ACOX2: variants seen among roughly 807,000 people sequenced by gnomAD.
The protein encoded by ACOX2 is peroxisomal acyl-coenzyme A oxidase 2.
Under a neutral mutation model 77.5 loss-of-function variants are expected in ACOX2, and 59 were observed. That is an observed-to-expected ratio of 0.76 (90% CI 0.62 to 0.95). The LOEUF is 0.95. Ranked by LOEUF, ACOX2 falls within the 40% of genes least tolerant of loss-of-function variation. The pLI, the probability that ACOX2 is intolerant of heterozygous loss-of-function variation, is 0.00. For synonymous variants in ACOX2, 317 were observed against 340.1 expected (o/e 0.93, Z 0.75); for missense variants, 837 against 880.4 (o/e 0.95, Z 0.62).
At chr3:58,518,075 C>CAAAAAAAAAAAAAAAA (rs763535906) in intron 12 of ACOX2, among the ~76,000 whole-genome samples, 79 of 47,678 alleles carry the variant, frequency 1.7e-3, no homozygotes, top group Non-Finnish European at 1.9e-3. Flanking sequence ...AACTCCATCT[C>CAAAAAAAAAAAAAAAA]AAAAAAAAAA....
intron 5 of ACOX2, among the ~76,000 whole-genome samples, chr3:58,532,029 C>A (rs573318786): frequency 4.3e-4 from 66 of 151,904 alleles, no homozygotes; most frequent in Non-Finnish European, 7.4e-4. Flanking sequence ...TTTGCCCCCC[C>A]CAACTATTAA....
chr3:58,512,363 T>C lies in ACOX2; in HGVS notation c.1851-3338A>G, dbSNP rs1004426044. 1.3e-5 allele frequency among the ~76,000 whole-genome samples: 2 copies of C among 152,230 alleles called. No individual in the cohort carries two copies. The highest frequency in any genetic ancestry group is 2.9e-5 in the Non-Finnish European group (2 of 68,032). On this transcript the variant is annotated intron_variant, in intron 13 of 14. Coordinates refer to ENST00000302819, the MANE Select transcript of ACOX2 (RefSeq NM_003500.4). This position sits in a 1 kb window ranked among gnomAD's most constrained non-coding sequence, Gnocchi z 4.8. Reference sequence around the variant, plus strand: ...CCACTATCATCACTCACTTGGATGATTGCATTAGCGATCCAGCTGATCTCC... The same window carrying C: ...CCACTATCATCACTCACTTGGATGACTGCATTAGCGATCCAGCTGATCTCC...
chr3:58,535,165 G>A lies in ACOX2; in HGVS notation c.-59C>T. Reference sequence around the variant, plus strand: ...ACACTTCCAACCCGGCTGCTCCGAGGGTCTGCTCTCAGCATTGGTCAGTGC... The same window carrying A: ...ACACTTCCAACCCGGCTGCTCCGAGAGTCTGCTCTCAGCATTGGTCAGTGC... On this transcript the variant is annotated 5_prime_UTR_variant, in exon 2 of 15. Transcript: ENST00000302819. This position sits in a 1 kb window ranked among gnomAD's most constrained non-coding sequence, Gnocchi z 4.8. 2 of 1,607,118 alleles carry A rather than the reference G, an allele frequency of 1.2e-6. No homozygotes were observed. The highest frequency in any genetic ancestry group is 1.7e-6 in the Non-Finnish European group (2 of 1,174,458).
At position 58,535,280 on chromosome 3, in the gene ACOX2, C is replaced by T; in HGVS notation, c.-91-83G>A. On this transcript the variant is annotated intron_variant, in intron 1 of 14. Transcript: ENST00000302819. The surrounding 1 kb of genome is among the most constrained non-coding windows in gnomAD (Gnocchi z 4.8). The stretch of plus-strand genomic sequence containing the variant: ...AAAGACATCCCTAAGTACCTGAATG[C>T]CACTCCACCTCCCCACTCCCCCTGT... 3 of 703,302 alleles carry T rather than the reference C, an allele frequency of 4.3e-6. No homozygotes were observed. The highest frequency in any genetic ancestry group is 7.2e-6 in the Non-Finnish European group (3 of 415,756). The allele number at this position is 703,302 out of a possible 1,614,324, so 43.6% of individuals were successfully genotyped here. A position where few individuals can be genotyped will look rare whatever the true frequency, so the allele number is the denominator to read the frequency against.
At chr3:58,529,016 C>T in intron 8 of ACOX2, 60 bp from the exon 9 acceptor site, 1 of 1,479,894 alleles carries the variant, frequency 6.8e-7, no homozygotes, top group Non-Finnish European at 9.0e-7. Context: ...CTTCCCCTAT[C>T]CCCGACACCA....
Position 58,526,732 on chromosome 3 carries a change from T to C in ACOX2, c.1156-76A>G. 1 of 1,481,574 alleles carries C rather than the reference T, an allele frequency of 6.7e-7. No homozygotes were observed. The highest frequency in any genetic ancestry group is 9.2e-7 in the Non-Finnish European group (1 of 1,085,190). The allele number at this position is 1,481,574 out of a possible 1,614,324, so 91.8% of individuals were successfully genotyped here. On this transcript the variant is annotated intron_variant, in intron 9 of 14. Transcript: ENST00000302819. The surrounding 1 kb of genome is among the most constrained non-coding windows in gnomAD (Gnocchi z 4.3). ...GGGACCAACCCTGTGCACCACTTACTGAGCATCTACTCATGCCCAGCTCAG... is the reference window on the plus strand; with the variant it reads ...GGGACCAACCCTGTGCACCACTTACCGAGCATCTACTCATGCCCAGCTCAG...
Position 58,514,207 on chromosome 3 carries a change from A to C in ACOX2, c.1850+2999T>G, listed in dbSNP as rs925612145. Among the ~76,000 whole-genome samples, 1 of 152,106 alleles carries C rather than the reference A, an allele frequency of 6.6e-6. No homozygotes were observed. The highest frequency in any genetic ancestry group is 1.5e-5 in the Non-Finnish European group (1 of 67,998). ...TGTAATCCCAGCACTTTGGGAGGCT[A>C]AGGTAGGAGGATCCCTTGAGCCCAG... is the stretch of plus-strand genomic sequence containing the variant. On this transcript the variant is annotated intron_variant, in intron 13 of 14. Transcript: ENST00000302819. This position sits in a 1 kb window ranked among gnomAD's most constrained non-coding sequence, Gnocchi z 4.3.
rs978087289 is a variant in ACOX2, at chr3:58,515,025, C to CA, written c.1850+2180_1850+2181insT. Among the ~76,000 whole-genome samples, 20 of 147,730 alleles carry CA rather than the reference C, an allele frequency of 1.4e-4. No individual in the cohort carries two copies. The highest frequency in any genetic ancestry group is 3.0e-5 in the Non-Finnish European group (2 of 66,562). On this transcript the variant is annotated intron_variant, in intron 13 of 14. Coordinates refer to ENST00000302819, the MANE Select transcript of ACOX2 (RefSeq NM_003500.4). This position sits in a 1 kb window ranked among gnomAD's most constrained non-coding sequence, Gnocchi z 4.0. ...GTTTTTGATGATTTAACTGAACAAA[C>CA]TTTTTTTTTTTTCTTGAGATGGAGT...
rs561240302 is a variant in ACOX2 at position 58,505,388 on chromosome 3, G to A, written c.1984-102C>T. ...CTCTAGCTTCAAAAAGTAACATTAC[G>A]TAAGATTCTTAATTTTAAAAATTAT... On this transcript the variant is annotated intron_variant, in intron 14 of 14. Coordinates refer to ENST00000302819, the MANE Select transcript of ACOX2 (RefSeq NM_003500.4). The surrounding 1 kb of genome is among the most constrained non-coding windows in gnomAD (Gnocchi z 4.4). The A allele has an allele frequency of 1.0e-4, 96 of 921,696 alleles. 1 individual carries two copies. The South Asian group carries it at 1.3e-3, about 13-fold the overall frequency. The allele number at this position is 921,696 out of a possible 1,614,324, so 57.1% of individuals were successfully genotyped here.
Position 58,530,694 on chromosome 3 carries a change from C to T in ACOX2, c.820-56G>A, listed in dbSNP as rs948907172. The T allele has an allele frequency of 3.1e-5, 48 of 1,552,514 alleles. 1 individual carries two copies. The highest frequency in any genetic ancestry group is 4.1e-5 in the African/African-American group (3 of 73,802). On this transcript the variant is annotated intron_variant, in intron 7 of 14. Transcript: ENST00000302819. ...GGGCCAAGGCTTCCCAGGATGCCCTCGCTTCTCCAGAGCTGTGGGGCTCCA... is the reference window on the plus strand; with the variant it reads ...GGGCCAAGGCTTCCCAGGATGCCCTTGCTTCTCCAGAGCTGTGGGGCTCCA...
Position 58,524,339 on chromosome 3 carries a change from G to A in ACOX2, c.1526+87C>T, listed in dbSNP as rs1228246540. On this transcript the variant is annotated intron_variant, in intron 11 of 14. Coordinates refer to ENST00000302819, the MANE Select transcript of ACOX2 (RefSeq NM_003500.4). The surrounding 1 kb of genome is among the most constrained non-coding windows in gnomAD (Gnocchi z 5.5). ...GGGTGGTTTTTAGAACTGAATCCAC[G>A]AATGTCCACCCAACCAATCCAAAGG... 1.3e-5 allele frequency: 19 copies of A among 1,508,530 alleles called. No individual in the cohort carries two copies. In the East Asian group the frequency reaches 2.8e-4, roughly 22 times the overall value. The allele number at this position is 1,508,530 out of a possible 1,614,324, so 93.4% of individuals were successfully genotyped here.
Position 58,522,057 on chromosome 3 carries a change from C to T in ACOX2, c.1632+439G>A, listed in dbSNP as rs370494674. ...GTCATGGTGCTTCCTTGATTGTAGC[C>T]GTGCATGGGCAGTGGCTTCACTGTT... On this transcript the variant is annotated intron_variant, in intron 12 of 14. Transcript: ENST00000302819. This position sits in a 1 kb window ranked among gnomAD's most constrained non-coding sequence, Gnocchi z 4.3. Among the ~76,000 whole-genome samples, 10 of 152,288 alleles carry T rather than the reference C, an allele frequency of 6.6e-5. No homozygotes were observed. The highest frequency in any genetic ancestry group is 4.1e-4 in the South Asian group (2 of 4,822).
chr3:58,508,639 C>T (rs1329260717), intron 14 of ACOX2, among the ~76,000 whole-genome samples: 1 of 152,156 alleles, frequency 6.6e-6, no homozygotes, highest in African/African-American at 2.4e-5. Context: ...GAGCTTGGGC[C>T]TTCCTCTTAA....
At chr3:58,536,578 T>C (rs1414182771) in intron 1 of ACOX2, among the ~76,000 whole-genome samples, 2 of 152,140 alleles carry the variant, frequency 1.3e-5, no homozygotes, top group Non-Finnish European at 2.9e-5. Flanking sequence ...GTGCCCCTAG[T>C]GCGGCTCCTC....
rs1052009090 is a variant in ACOX2 at position 58,531,873 on chromosome 3, A to G, written c.584-61T>C. The G allele has an allele frequency of 5.2e-6, 8 of 1,536,596 alleles. No individual in the cohort carries two copies. In the African/African-American group the frequency reaches 9.6e-5, roughly 18 times the overall value. On this transcript the variant is annotated intron_variant, in intron 5 of 14. Coordinates refer to ENST00000302819, the MANE Select transcript of ACOX2 (RefSeq NM_003500.4). This position sits in a 1 kb window ranked among gnomAD's most constrained non-coding sequence, Gnocchi z 5.8. ...GACCTGTGCATTGCTTTTCCCAACC[A>G]ACCCAGCCTCCTGGGGCTGGGGTTT...
Position 58,526,830 on chromosome 3 carries a change from C to T in ACOX2, c.1156-174G>A, listed in dbSNP as rs967949191. Reference sequence around the variant, plus strand: ...AGGCGGGTACTCAGCTTATGTGACTCACCCAGAGGCACACAATTAGGCAAT... The same window carrying T: ...AGGCGGGTACTCAGCTTATGTGACTTACCCAGAGGCACACAATTAGGCAAT... On this transcript the variant is annotated intron_variant, in intron 9 of 14. Transcript: ENST00000302819. The surrounding 1 kb of genome is among the most constrained non-coding windows in gnomAD (Gnocchi z 4.3). The T allele has an allele frequency of 6.2e-6, 4 of 650,192 alleles. No homozygotes were observed. The highest frequency in any genetic ancestry group is 4.3e-4 in the Middle Eastern group (1 of 2,352). 40.3% of individuals were successfully genotyped at this position (650,192 alleles called of 1,614,324 possible).
Position 58,505,389 on chromosome 3 carries a change from T to C in ACOX2, c.1984-103A>G, listed in dbSNP as rs2063227258. The C allele has an allele frequency of 2.2e-6, 2 of 910,702 alleles. No homozygotes were observed. The highest frequency in any genetic ancestry group is 3.3e-6 in the Non-Finnish European group (2 of 613,364). The allele number at this position is 910,702 out of a possible 1,614,324, so 56.4% of individuals were successfully genotyped here. Reference sequence around the variant, plus strand: ...TCTAGCTTCAAAAAGTAACATTACGTAAGATTCTTAATTTTAAAAATTATT... The same window carrying C: ...TCTAGCTTCAAAAAGTAACATTACGCAAGATTCTTAATTTTAAAAATTATT... On this transcript the variant is annotated intron_variant, in intron 14 of 14. Coordinates refer to ENST00000302819, the MANE Select transcript of ACOX2 (RefSeq NM_003500.4). This position sits in a 1 kb window ranked among gnomAD's most constrained non-coding sequence, Gnocchi z 4.4.
In ACOX2 at chr3:58,517,256, G is replaced by A. The variant is rs113897579; in HGVS notation, c.1800C>T (p.Ala600=). Residue 600 remains alanine (A), a synonymous_variant, in exon 13 of 15, where the codon GCC becomes GCT. Coordinates refer to ENST00000302819, the MANE Select transcript of ACOX2 (RefSeq NM_003500.4). ...DFLHDAFLSG[A]QVDMARTAYL... ...AGGCTGTTCTTGCCATGTCCACTTG[G>A]GCACCAGACAGGAAGGCGTCATGGA... The A allele has an allele frequency of 6.2e-7, 1 of 1,614,110 alleles. No homozygotes were observed. Among genetic ancestry groups the A allele is most frequent in the Non-Finnish European group, 8.5e-7 (1 of 1,180,024 alleles).
At chr3:58,513,989 G>C (rs1488378223) in intron 13 of ACOX2, among the ~76,000 whole-genome samples, 2 of 151,972 alleles carry the variant, frequency 1.3e-5, no homozygotes, top group Admixed American at 6.6e-5. Context: ...GGAACCAGTG[G>C]GAAAAAAGGT....
Sources: gnomAD v4.1 joint callset for allele counts (sites outside exome capture counted in the v4.1 genomes callset) on GRCh38, gnomAD v4.1.1 for gene constraint, Gnocchi (gnomAD v3.1) non-coding constraint, MANE v1.5 for transcripts, NCBI Gene and HGNC (gene_info 2026-07-23, HGNC 2026-07-21) for gene names.